Variants in KCND3 observed in about 807,000 individuals in gnomAD.
KCND3 encodes the protein A-type voltage-gated potassium channel KCND3.
In KCND3, 9 loss-of-function variants were observed where a neutral mutation model predicts 51.1. The observed-to-expected ratio is 0.18, with a 90% CI of 0.11 to 0.31. The LOEUF is 0.31. Among genes scored for constraint, KCND3 ranks in the 10% least tolerant of loss-of-function variants. The pLI is 1.00. For synonymous variants in KCND3, 349 were observed against 368.0 expected, an observed-to-expected ratio of 0.95 and a Z score of 0.59; for missense variants, 526 against 903.8, an observed-to-expected ratio of 0.58 and a Z score of 5.36.
At position 111,775,247 on chromosome 1, in the gene KCND3, G is replaced by T. The variant is rs1260689684; in HGVS notation, c.*830C>A. The T allele has an allele frequency of 1.3e-5, 2 of 152,434 alleles. No homozygotes were observed. The highest frequency in any genetic ancestry group is 2.4e-5 in the African/African-American group (1 of 41,456). 9.4% of individuals were successfully genotyped at this position (152,434 alleles called of 1,614,324 possible). The stretch of plus-strand genomic sequence containing the variant: ...TACTGATGTGTTTCAGGATCATTGG[G>T]ATCCAGGTAGAGACAGATGGCTGGA... On this transcript the variant is annotated 3_prime_UTR_variant, in exon 8 of 8. Coordinates refer to ENST00000302127, the MANE Select transcript of KCND3 (RefSeq NM_001378969.1).
At chr1:111,883,318 C>G (rs1669423422) in intron 2 of KCND3, among the ~76,000 whole-genome samples, 2 of 152,264 alleles carry the variant, frequency 1.3e-5, no homozygotes. Flanking sequence ...CAAGATCTGT[C>G]TGATACACAA....
chr1:111,831,636 C>A (rs545263937), intron 2 of KCND3, among the ~76,000 whole-genome samples: 34 of 152,144 alleles, frequency 2.2e-4, no homozygotes, highest in Non-Finnish European at 3.8e-4. Flanking sequence ...TTCAAGGTAA[C>A]AACTCAGGTC....
At chr1:111,851,602 A>G (rs1277229286) in intron 2 of KCND3, among the ~76,000 whole-genome samples, 3 of 152,204 alleles carry the variant, frequency 2.0e-5, no homozygotes, top group Non-Finnish European at 4.4e-5. Flanking sequence ...ACATGCCTGC[A>G]TTACAGTCTT....
intron 2 of KCND3, among the ~76,000 whole-genome samples, chr1:111,980,403 TA>T (rs970719122): frequency 4.6e-5 from 7 of 152,140 alleles, no homozygotes; most frequent in African/African-American, 1.7e-4. Flanking sequence ...GTAATCATTT[TA>T]AAAGGTCTCG....
At chr1:111,961,998 C>A (rs1481566167) in intron 2 of KCND3, among the ~76,000 whole-genome samples, 2 of 152,132 alleles carry the variant, frequency 1.3e-5, no homozygotes, top group African/African-American at 4.8e-5. Flanking sequence ...CCTGGGTGAG[C>A]CAAGAGTTAT....
rs111466517 is a variant in KCND3 at position 111,946,024 on chromosome 1, TGTGA to T, written c.1106+35593_1106+35596del. Among the ~76,000 whole-genome samples, 417 of 152,336 alleles carry T rather than the reference TGTGA, an allele frequency of 2.7e-3. 3 individuals carry two copies. Among genetic ancestry groups the T allele is most frequent in the African/African-American group, 9.7e-3 (403 of 41,566 alleles). ...GAACACTACCAACATCACTAGGTGT[TGTGA>T]GTATTAAGTGTGTACATAATGATGT... On this transcript the variant is annotated intron_variant, in intron 2 of 7. Coordinates refer to ENST00000302127, the MANE Select transcript of KCND3 (RefSeq NM_001378969.1).
chr1:111,803,693 A>T (rs1161388031), intron 2 of KCND3, among the ~76,000 whole-genome samples: 2 of 152,218 alleles, frequency 1.3e-5, no homozygotes, highest in Non-Finnish European at 2.9e-5. Flanking sequence ...CTGGGAAAAA[A>T]TGAAAGGCAA....
intron 2 of KCND3, among the ~76,000 whole-genome samples, chr1:111,879,117 C>A (rs371036363): frequency 7.9e-5 from 12 of 152,302 alleles, no homozygotes; most frequent in Admixed American, 2.0e-4. Context: ...TGTACTGGAA[C>A]TACACACCAA....
intron 2 of KCND3, among the ~76,000 whole-genome samples, chr1:111,846,483 G>A (rs929405497): frequency 6.6e-6 from 1 of 151,810 alleles, no homozygotes; most frequent in Non-Finnish European, 1.5e-5. Flanking sequence ...ATGTTACCTG[G>A]GGGTGGGGTG....
intron 2 of KCND3, among the ~76,000 whole-genome samples, chr1:111,956,942 C>T (rs899110726): frequency 6.6e-6 from 1 of 152,168 alleles, no homozygotes; most frequent in East Asian, 1.9e-4. Context: ...TAGGGTTGTC[C>T]GTGCCTCTTT....
At chr1:111,906,586 T>C (rs1017494885) in intron 2 of KCND3, among the ~76,000 whole-genome samples, 12 of 152,238 alleles carry the variant, frequency 7.9e-5, no homozygotes, top group Non-Finnish European at 1.6e-4. Flanking sequence ...AGCAACTTGA[T>C]TTTTAAATTT....
intron 2 of KCND3, chr1:111,909,195 A>G (rs2101809843): frequency 1.3e-5 from 2 of 152,112 alleles, no homozygotes; most frequent in East Asian, 3.9e-4. Context: ...ATTGCATCCC[A>G]TTATGTTGTC....
At chr1:111,922,219 G>A (rs1198869065) in intron 2 of KCND3, among the ~76,000 whole-genome samples, 1 of 152,232 alleles carries the variant, frequency 6.6e-6, no homozygotes, top group South Asian at 2.1e-4. Context: ...AGAAAAGGAA[G>A]GGAGACATTA....
At position 111,982,571 on chromosome 1, in the gene KCND3, C is replaced by T; in HGVS notation, c.156G>A (p.Gln52=). Residue 52 remains glutamine (Q), a synonymous_variant, in exon 2 of 8, where the codon CAG becomes CAA. Coordinates refer to ENST00000302127, the MANE Select transcript of KCND3 (RefSeq NM_001378969.1). This position sits in a 1 kb window ranked among gnomAD's most constrained non-coding sequence, Gnocchi z 8.5. ...AGCGCTCCAGCGTGGTCCTCCAGGT[C>T]TGGAACCTCCGCCCACTCACGTTGA... ...IVLNVSGRRF[Q]TWRTTLERYP... The T allele has an allele frequency of 6.2e-7, 1 of 1,612,280 alleles. No individual in the cohort carries two copies. The highest frequency in any genetic ancestry group is 1.1e-5 in the South Asian group (1 of 90,970).
At chr1:111,876,682 T>A (rs527550572) in intron 2 of KCND3, among the ~76,000 whole-genome samples, 1 of 152,168 alleles carries the variant, frequency 6.6e-6, no homozygotes, top group Admixed American at 6.5e-5. Flanking sequence ...TCAGACAACA[T>A]AGGGGTAGGC....
chr1:111,800,634 C>T (rs1193794485), intron 2 of KCND3, among the ~76,000 whole-genome samples: 1 of 151,952 alleles, frequency 6.6e-6, no homozygotes. Context: ...GTTCCCTGCC[C>T]TATGGATGCA....
intron 2 of KCND3, among the ~76,000 whole-genome samples, chr1:111,872,075 C>A (rs2101716460): frequency 6.6e-6 from 1 of 152,310 alleles, no homozygotes; most frequent in East Asian, 1.9e-4. Context: ...AAAAATAAAA[C>A]CTTATATGTG....
At chr1:111,814,487 C>T (rs749512861) in intron 2 of KCND3, among the ~76,000 whole-genome samples, 11 of 152,210 alleles carry the variant, frequency 7.2e-5, no homozygotes, top group Non-Finnish European at 1.0e-4. Context: ...TGAACTGTGT[C>T]GACATAACTT....
chr1:111,930,399 G>A (rs1239710079), intron 2 of KCND3, among the ~76,000 whole-genome samples: 1 of 152,238 alleles, frequency 6.6e-6, no homozygotes, highest in African/African-American at 2.4e-5. Context: ...CCGTGGCTGG[G>A]AAAGCATTCA....
Sources: gnomAD v4.1 joint callset for allele counts (sites outside exome capture counted in the v4.1 genomes callset) on GRCh38, gnomAD v4.1.1 for gene constraint, Gnocchi (gnomAD v3.1) non-coding constraint, MANE v1.5 for transcripts, NCBI Gene and HGNC (gene_info 2026-07-23, HGNC 2026-07-21) for gene names.